Variants in SDK2 observed in about 807,000 individuals in gnomAD.
SDK2 encodes sidekick cell adhesion molecule 2.
SDK2 carries 105 observed loss-of-function variants against 253.9 expected under a neutral mutation model. The ratio of observed to expected loss-of-function variants is 0.41; its 90% CI spans 0.35 to 0.49. SDK2 has a LOEUF of 0.49. Ranked by LOEUF, SDK2 falls within the 20% of genes least tolerant of loss-of-function variation. SDK2 has a pLI of 0.06. For missense variants in SDK2, 2,608 were observed against 3,003.0 expected (o/e 0.87, Z 3.07); for synonymous variants, 1,249 against 1,234.9 (o/e 1.01, Z -0.24).
At position 73,609,199 on chromosome 17, in the gene SDK2, G is replaced by A. The variant is rs570088033; in HGVS notation, c.64+34826C>T. On this transcript the variant is annotated intron_variant, in intron 1 of 44. Coordinates refer to ENST00000392650, the MANE Select transcript of SDK2 (RefSeq NM_001144952.2). The surrounding 1 kb of genome is among the most constrained non-coding windows in gnomAD (Gnocchi z 4.4). ...ATCAAAGTGAATGCAGTGTTGGAGA[G>A]ATAAGCCTGGAGTGTGAGAGATGGG... Among the ~76,000 whole-genome samples the A allele has an allele frequency of 6.9e-6, 1 of 144,718 alleles. No individual in the cohort carries two copies. Among genetic ancestry groups the A allele is most frequent in the East Asian group, 2.0e-4 (1 of 5,076 alleles). The allele number at this position is 144,718 out of a possible 152,430, so 94.9% of individuals were successfully genotyped here. A position where few individuals can be genotyped will look rare whatever the true frequency, so the allele number is the denominator to read the frequency against.
At chr17:73,484,066 A>G (rs1247037864) in intron 2 of SDK2, among the ~76,000 whole-genome samples, 1 of 152,108 alleles carries the variant, frequency 6.6e-6, no homozygotes, top group Non-Finnish European at 1.5e-5. Context: ...CCTCGATTAC[A>G]ATTGTGCTTT....
At chr17:73,636,208 G>A (rs527333859) in intron 1 of SDK2, among the ~76,000 whole-genome samples, 10 of 152,070 alleles carry the variant, frequency 6.6e-5, no homozygotes, top group South Asian at 2.1e-4. Flanking sequence ...CAACTTCCCC[G>A]CTAGAAGGTC....
intron 2 of SDK2, among the ~76,000 whole-genome samples, chr17:73,506,963 C>A (rs77107874): frequency 0.014 from 2,153 of 152,382 alleles, 55 homozygotes; most frequent in African/African-American, 0.047. Context: ...CTGAGAGGGC[C>A]ATCTCTGTGT....
chr17:73,557,306 ATT>A (rs11288025), intron 1 of SDK2, among the ~76,000 whole-genome samples: 2,544 of 146,254 alleles, frequency 0.017, 38 homozygotes, highest in African/African-American at 0.056. Context: ...GTACCTCGAG[ATT>A]TTTTTTTTTT....
intron 40 of SDK2, among the ~76,000 whole-genome samples, chr17:73,353,524 G>T (rs1472987115): frequency 2.6e-5 from 4 of 151,598 alleles, no homozygotes; most frequent in African/African-American, 9.7e-5. Flanking sequence ...GAGTTCAAGC[G>T]ATTCTCCTGC....
intron 11 of SDK2, 117 bp from the exon 12 acceptor site, chr17:73,430,730 G>T: frequency 1.5e-6 from 1 of 645,574 alleles, no homozygotes; most frequent in Non-Finnish European, 2.4e-6. Context: ...TGAGCTCCCT[G>T]GTACTTTAAT....
chr17:73,545,092 C>A (rs553849589), intron 1 of SDK2, among the ~76,000 whole-genome samples: 5 of 139,020 alleles, frequency 3.6e-5, no homozygotes, highest in Admixed American at 1.4e-4. Context: ...ATTGCGTGCA[C>A]GTGCACGCAC....
At chr17:73,407,624 G>A (rs562292088) in intron 18 of SDK2, among the ~76,000 whole-genome samples, 8 of 152,172 alleles carry the variant, frequency 5.3e-5, no homozygotes, top group South Asian at 4.2e-4. Context: ...TAGCGGGGGC[G>A]GGGGAGTCTC....
chr17:73,590,117 C>T (rs960663717), intron 1 of SDK2, among the ~76,000 whole-genome samples: 1 of 152,220 alleles, frequency 6.6e-6, no homozygotes, highest in African/African-American at 2.4e-5. Flanking sequence ...CATCAGGAAA[C>T]AGGGAGCCGA....
rs375803616 is a variant in SDK2 at position 73,350,213 on chromosome 17, C to CT, written c.6038+23_6038+24insA. 1.8e-5 allele frequency: 27 copies of CT among 1,534,604 alleles called. No homozygotes were observed. The East Asian group carries it at 1.9e-4, about 11-fold the overall frequency. ...CCTGGGCACTGCTGGGCCTGGCCCC[C>CT]AACCCACGCAGAGGGCCCAGTACCT... On this transcript the variant is annotated intron_variant, in intron 43 of 44. Coordinates refer to ENST00000392650, the MANE Select transcript of SDK2 (RefSeq NM_001144952.2).
chr17:73,353,789 C>T (rs567766930), intron 40 of SDK2, among the ~76,000 whole-genome samples: 1 of 149,588 alleles, frequency 6.7e-6, no homozygotes, highest in South Asian at 2.1e-4. Flanking sequence ...CCACAACCTC[C>T]GCCTCCCAGG....
In SDK2 at chr17:73,380,910, C is replaced by A; in HGVS notation, c.4746G>T (p.Thr1582=). Reference sequence around the variant, plus strand: ...GAGACTTACTGTCCAGCTCGTACTGCGTGAGGCTGGGCCGGCTCAGGTTCC... The same window carrying A: ...GAGACTTACTGTCCAGCTCGTACTGAGTGAGGCTGGGCCGGCTCAGGTTCC... ...SMRNLSRPSL[T]QYELDNLNKH... is the part of the protein sequence containing the mutation. Residue 1582 remains threonine, a synonymous_variant, in exon 34 of 45, where the codon ACG becomes ACT. Transcript: ENST00000392650. 1 of 1,333,166 alleles carries A rather than the reference C, an allele frequency of 7.5e-7. No individual in the cohort carries two copies. Among genetic ancestry groups the A allele is most frequent in the Non-Finnish European group, 9.9e-7 (1 of 1,008,074 alleles). The allele number at this position is 1,333,166 out of a possible 1,614,324, so 82.6% of individuals were successfully genotyped here. A position where few individuals can be genotyped will look rare whatever the true frequency, so the allele number is the denominator to read the frequency against.
chr17:73,345,638 C>T (rs376185431), intron 44 of SDK2, among the ~76,000 whole-genome samples: 72 of 152,132 alleles, frequency 4.7e-4, no homozygotes, highest in African/African-American at 1.7e-3. Flanking sequence ...ACGTACCACA[C>T]AGAGTCTTAC....
chr17:73,562,765 G>A (rs1223484682), intron 1 of SDK2, among the ~76,000 whole-genome samples: 1 of 152,244 alleles, frequency 6.6e-6, no homozygotes, highest in Non-Finnish European at 1.5e-5. Flanking sequence ...GGCATTCTGT[G>A]CGGAAGGCGC....
chr17:73,573,388 C>A (rs1010424780), intron 1 of SDK2, among the ~76,000 whole-genome samples: 1 of 152,158 alleles, frequency 6.6e-6, no homozygotes, highest in African/African-American at 2.4e-5. Flanking sequence ...TGGTACCTGG[C>A]ACTAGCAGGC....
At position 73,388,034 on chromosome 17, in the gene SDK2, C is replaced by A. The variant is rs778845493; in HGVS notation, c.4196G>T (p.Arg1399Leu). 31 of 1,564,346 alleles carry A rather than the reference C, an allele frequency of 2.0e-5. No homozygotes were observed. Among genetic ancestry groups the A allele is most frequent in the Non-Finnish European group, 2.7e-5 (31 of 1,155,790 alleles). ...CATCGGCCTGCTGGGGGGCTGCGGA[C>A]GGTCTGGGAGGTGGCAGAGGGGGAG... ...ALVVTTEKRD[R>L]PQPPSRPMVQ... Residue 1399 changes from arginine (R) to leucine (L), a missense_variant, in exon 30 of 45, where the codon CGT becomes CTT. Around this residue, in one of 2 missense-constraint regions of SDK2, gnomAD observed 1,103 missense variants for 1,143.9 expected, o/e 0.96. Coordinates refer to ENST00000392650, the MANE Select transcript of SDK2 (RefSeq NM_001144952.2).
At chr17:73,515,774 A>G (rs2064021422) in intron 1 of SDK2, among the ~76,000 whole-genome samples, 1 of 152,220 alleles carries the variant, frequency 6.6e-6, no homozygotes, top group Non-Finnish European at 1.5e-5. Flanking sequence ...GAGAAGATAA[A>G]TTGGGTTTAC....
At chr17:73,504,631 CAAAAAAA>C (rs146981971) in intron 2 of SDK2, among the ~76,000 whole-genome samples, 1 of 47,030 alleles carries the variant, frequency 2.1e-5, no homozygotes, top group Non-Finnish European at 3.6e-5. Flanking sequence ...GACTCTGTCT[CAAAAAAA>C]AAAAAAAAAA....
At chr17:73,591,044 T>G (rs1180055651) in intron 1 of SDK2, among the ~76,000 whole-genome samples, 1 of 152,158 alleles carries the variant, frequency 6.6e-6, no homozygotes, top group African/African-American at 2.4e-5. Flanking sequence ...CTCAGCCTCC[T>G]GAGTAGCTGG....
Sources: gnomAD v4.1 joint callset for allele counts (sites outside exome capture counted in the v4.1 genomes callset) on GRCh38, gnomAD v4.1.1 for gene constraint, gnomAD v4.1.1 regional missense constraint, Gnocchi (gnomAD v3.1) non-coding constraint, MANE v1.5 for transcripts, NCBI Gene and HGNC (gene_info 2026-07-23, HGNC 2026-07-21) for gene names.